SLC22A16: variants seen among roughly 807,000 people sequenced by gnomAD.
SLC22A16 encodes WUGSC:RG331P03.1.
SLC22A16 carries 53 observed loss-of-function variants against 52.9 expected under a neutral mutation model. The observed-to-expected ratio is 1.00, with a 90% CI of 0.80 to 1.26. The LOEUF is 1.26. SLC22A16 is among the 50% of genes most tolerant of loss of function. The probability of loss-of-function intolerance (pLI) is 0.00; values close to 1 mark genes in which losing one functional copy is unlikely to be tolerated. For missense variants in SLC22A16, 726 were observed against 704.0 expected (o/e 1.03, Z -0.35); for synonymous variants, 291 against 268.8 (o/e 1.08, Z -0.81).
At chr6:110,474,262 GA>G (rs1776381255) in intron 1 of SLC22A16, among the ~76,000 whole-genome samples, 1 of 152,054 alleles carries the variant, frequency 6.6e-6, no homozygotes, top group Non-Finnish European at 1.5e-5. Flanking sequence ...CAGGTCTGTG[GA>G]AAAAATGTCT....
chr6:110,435,871 G>C lies in SLC22A16; in HGVS notation c.1402C>G (p.Leu468Val). The change falls in exon 6 of 8, where the codon CTG becomes GTG. Residue 468 changes from leucine to valine, a missense_variant. Leu to Val is a conservative substitution (Grantham distance 32). Transcript: ENST00000368919. The part of the protein sequence containing the change: ...FGLIYLYTAE[L>V]YPTIVRSLAV... ...CCTTACCTTACAATGGTTGGATACAGCTCAGCTGTATAAAGATAAATGAGG... is the reference window on the plus strand; with the variant it reads ...CCTTACCTTACAATGGTTGGATACACCTCAGCTGTATAAAGATAAATGAGG... 1.2e-6 allele frequency: 2 copies of C among 1,611,972 alleles called. No individual in the cohort carries two copies. The highest frequency in any genetic ancestry group is 1.7e-6 in the Non-Finnish European group (2 of 1,178,870).
chr6:110,433,934 A>G (rs145240012), intron 6 of SLC22A16, among the ~76,000 whole-genome samples: 2 of 152,046 alleles, frequency 1.3e-5, no homozygotes, highest in Admixed American at 6.5e-5. Flanking sequence ...TCATTTTGCA[A>G]AAAAAAGAGT....
chr6:110,474,543 A>G (rs1582602326), intron 1 of SLC22A16, among the ~76,000 whole-genome samples: 1 of 152,350 alleles, frequency 6.6e-6, no homozygotes, highest in Non-Finnish European at 1.5e-5. Context: ...CTGACCACCA[A>G]TATGGGAACT....
intron 2 of SLC22A16, among the ~76,000 whole-genome samples, chr6:110,449,577 C>T (rs1416973640): frequency 6.6e-6 from 1 of 152,088 alleles, no homozygotes; most frequent in Non-Finnish European, 1.5e-5. Flanking sequence ...GGAATATATC[C>T]AAACGTGTTC....
In SLC22A16 at chr6:110,424,843, T is replaced by G. The variant is rs755315070; in HGVS notation, c.*30A>C. 1 of 1,612,956 alleles carries G rather than the reference T, an allele frequency of 6.2e-7. No homozygotes were observed. The highest frequency in any genetic ancestry group is 1.1e-5 in the South Asian group (1 of 90,958). On this transcript the variant is annotated 3_prime_UTR_variant, in exon 8 of 8. Transcript: ENST00000368919. Reference sequence around the variant, plus strand: ...ACAAAGGCATTAGGGTAAATAATATTTCAGGTGCTAGACAGCAGGCATGGC... The same window carrying G: ...ACAAAGGCATTAGGGTAAATAATATGTCAGGTGCTAGACAGCAGGCATGGC...
intron 1 of SLC22A16, among the ~76,000 whole-genome samples, chr6:110,469,612 C>G (rs960000986): frequency 1.3e-5 from 2 of 152,194 alleles, no homozygotes; most frequent in Non-Finnish European, 2.9e-5. Context: ...CACTCATTAT[C>G]TCATTTAATC....
Position 110,442,612 on chromosome 6 carries a change from A to G in SLC22A16, c.815T>C (p.Met272Thr), listed in dbSNP as rs1221493768. 3 of 1,614,244 alleles carry G rather than the reference A, an allele frequency of 1.9e-6. No individual in the cohort carries two copies. The South Asian group carries it at 3.3e-5, about 18-fold the overall frequency. The change falls in exon 4 of 8, where the codon ATG becomes ACG. Residue 272 changes from methionine to threonine, a missense_variant. Transcript: ENST00000368919. Reference protein sequence around the residue: ...YLVRTWWLYQMILSTVTVPFI... With the variant: ...YLVRTWWLYQTILSTVTVPFI... ...GGGGACAGTCACTGTGGAGAGGATCATCTGGTAAAGCCACCAGGTCCTGAC... is the reference window on the plus strand; with the variant it reads ...GGGGACAGTCACTGTGGAGAGGATCGTCTGGTAAAGCCACCAGGTCCTGAC...
intron 2 of SLC22A16, among the ~76,000 whole-genome samples, chr6:110,454,357 G>A (rs900286083): frequency 3.3e-5 from 5 of 151,032 alleles, no homozygotes; most frequent in Non-Finnish European, 5.9e-5. Flanking sequence ...GGGAGTCAGG[G>A]ACCATGTCAA....
Position 110,456,622 on chromosome 6 carries a change from C to T in SLC22A16, c.449G>A (p.Arg150Gln), listed in dbSNP as rs781207718. Residue 150 changes from arginine (R) to glutamine (Q), a missense_variant, in exon 2 of 8, where the codon CGA becomes CAA. Physicochemically the swap from Arg to Gln is conservative, Grantham distance 43. Transcript: ENST00000368919. ...AVTQWNLVCD[R>Q]KWLAMLIQPL... Reference sequence around the variant, plus strand: ...CTGGATCAGCATTGCAAGCCATTTTCGGTCACAGACCAGGTTCCACTGGGT... The same window carrying T: ...CTGGATCAGCATTGCAAGCCATTTTTGGTCACAGACCAGGTTCCACTGGGT... 2.0e-5 allele frequency: 33 copies of T among 1,614,064 alleles called. No individual in the cohort carries two copies. The highest frequency in any genetic ancestry group is 8.9e-5 in the East Asian group (4 of 44,896).
chr6:110,429,180 A>G (rs1373756880), intron 7 of SLC22A16, among the ~76,000 whole-genome samples: 1 of 152,166 alleles, frequency 6.6e-6, no homozygotes, highest in Non-Finnish European at 1.5e-5. Context: ...AGCACAAAGG[A>G]GATTCTTCTA....
At chr6:110,476,482 G>A (rs905771866) in intron 1 of SLC22A16, 40 bp downstream of exon 1, 22 of 1,452,494 alleles carry the variant, frequency 1.5e-5, no homozygotes, top group African/African-American at 4.6e-5. Context: ...ACCCCTCGGC[G>A]CCGCCTCCCG....
intron 1 of SLC22A16, chr6:110,476,166 G>A: frequency 2.2e-6 from 1 of 460,184 alleles, no homozygotes; most frequent in Non-Finnish European, 3.8e-6. Flanking sequence ...CGGGCGGCCA[G>A]GCACAGGCAC....
At chr6:110,431,142 T>G (rs1459227992) in intron 7 of SLC22A16, 29 bp downstream of exon 7, 1 of 1,594,828 alleles carries the variant, frequency 6.3e-7, no homozygotes, top group Non-Finnish European at 8.6e-7. Context: ...CCGTGCCCCC[T>G]TGGGGAGGGT....
At chr6:110,465,213 T>C (rs781579407) in intron 1 of SLC22A16, among the ~76,000 whole-genome samples, 33 of 151,422 alleles carry the variant, frequency 2.2e-4, no homozygotes, top group Non-Finnish European at 2.8e-4. Flanking sequence ...AAAAGTAAAA[T>C]GCATTCCTCT....
chr6:110,461,133 AGG>A (rs1448449691), intron 1 of SLC22A16, among the ~76,000 whole-genome samples: 1 of 152,164 alleles, frequency 6.6e-6, no homozygotes, highest in Non-Finnish European at 1.5e-5. Flanking sequence ...CTTTCAGAAA[AGG>A]CAGGGCCCAT....
At chr6:110,458,234 A>G (rs1419179530) in intron 1 of SLC22A16, among the ~76,000 whole-genome samples, 1 of 152,012 alleles carries the variant, frequency 6.6e-6, no homozygotes, top group African/African-American at 2.4e-5. Flanking sequence ...GACCTTACCT[A>G]TCATTGGAGA....
Position 110,446,954 on chromosome 6 carries a change from ACTG to A in SLC22A16, c.567_569del (p.Ser191del). ...CTGCTATTCCAAACAAAAACATGCT[ACTG>A]CTTGTGGCCCACAAGACCACCCGGC... On this transcript the variant is annotated inframe_deletion, in exon 3 of 8. Transcript: ENST00000368919. 2 of 1,613,972 alleles carry A rather than the reference ACTG, an allele frequency of 1.2e-6. No homozygotes were observed. Among genetic ancestry groups the A allele is most frequent in the South Asian group, 2.2e-5 (2 of 91,074 alleles).
chr6:110,428,095 A>G (rs903251600), intron 7 of SLC22A16, among the ~76,000 whole-genome samples: 1 of 152,240 alleles, frequency 6.6e-6, no homozygotes, highest in African/African-American at 2.4e-5. Context: ...ATGGTTAATA[A>G]CAAAAGCATC....
intron 3 of SLC22A16, among the ~76,000 whole-genome samples, chr6:110,443,822 T>C (rs1009475906): frequency 2.6e-5 from 4 of 152,212 alleles, no homozygotes; most frequent in Non-Finnish European, 4.4e-5. Context: ...ATGTAGTCTA[T>C]GCATACAATG....
Sources: allele counts gnomAD v4.1 joint callset (sites outside exome capture counted in the v4.1 genomes callset), GRCh38; gene constraint gnomAD v4.1.1; transcripts MANE v1.5; gene names NCBI Gene and HGNC (gene_info 2026-07-23, HGNC 2026-07-21).